Variants in NPAS4 observed in about 807,000 individuals in gnomAD.
The protein encoded by NPAS4 is neuronal PAS domain protein 4, also known as neuronal PAS domain-containing protein 4.
A neutral mutation model predicts 64.0 loss-of-function variants in NPAS4; 10 were observed. The observed-to-expected ratio is 0.16, with a 90% CI of 0.10 to 0.26. The LOEUF is 0.26. NPAS4 is among the 10% of genes least tolerant of loss of function. The pLI is 1.00. For synonymous variants in NPAS4, 441 were observed against 411.7 expected (o/e 1.07, Z -0.86); for missense variants, 886 against 992.6 (o/e 0.89, Z 1.44).
rs1293911968 is a variant in NPAS4, at chr11:66,423,890, G to T, written c.1000G>T (p.Ala334Ser). ...QQLNSEDTQA[A>S]YVLGTPTMLP... ...GTTGAACTCTGAAGACACCCAGGCA[G>T]CTTATGTCCTGGGCACTCCGACCAT... Residue 334 changes from alanine (A) to serine (S), a missense_variant, in exon 7 of 8, where the codon GCT (alanine) becomes TCT (serine). Physicochemically the swap from Ala to Ser is moderately conservative, Grantham distance 99. Transcript: ENST00000311034. 1 of 1,613,790 alleles carries T rather than the reference G, an allele frequency of 6.2e-7. No individual in the cohort carries two copies. Among genetic ancestry groups the T allele is most frequent in the Non-Finnish European group, 8.5e-7 (1 of 1,179,894 alleles).
the NPAS4 span, chr11:66,409,388 T>TG: frequency 6.6e-6 from 1 of 151,708 alleles, no homozygotes; most frequent in Non-Finnish European, 1.5e-5. Context: ...GTCCAAACCT[T>TG]GGAAAGAAAC....
At chr11:66,409,646 A>G in the NPAS4 span, among the ~76,000 whole-genome samples, 5 of 152,192 alleles carry the variant, frequency 3.3e-5, no homozygotes, top group Non-Finnish European at 5.9e-5. Flanking sequence ...ACTGAGGCCC[A>G]GAGAAAAGTA....
In NPAS4 at chr11:66,422,951, G is replaced by A; in HGVS notation, c.698+10G>A. 6.2e-7 allele frequency: 1 copy of A among 1,601,514 alleles called. No homozygotes were observed. Among genetic ancestry groups the A allele is most frequent in the Non-Finnish European group, 8.5e-7 (1 of 1,178,790 alleles). ...TGGACATCTCCGAGAGGTAAGCCTG[G>A]AGTGTTCAGATTCCAAGAGAAAGGC... On this transcript the variant is annotated intron_variant, in intron 4 of 7. Coordinates refer to ENST00000311034, the MANE Select transcript of NPAS4 (RefSeq NM_178864.4).
chr11:66,425,286 G>A lies in NPAS4; in HGVS notation c.2380+16G>A, dbSNP rs772639217. On this transcript the variant is annotated intron_variant, in intron 7 of 7. Transcript: ENST00000311034. ...TTCCATGAAGGTGAGTCAGCCAAAAGGTCCAAGAACTCAAGTCCCTGTCCT... is the reference window on the plus strand; with the variant it reads ...TTCCATGAAGGTGAGTCAGCCAAAAAGTCCAAGAACTCAAGTCCCTGTCCT... The A allele has an allele frequency of 2.7e-6, 4 of 1,458,142 alleles. No individual in the cohort carries two copies. Among genetic ancestry groups the A allele is most frequent in the Non-Finnish European group, 2.7e-6 (3 of 1,090,926 alleles). The allele number at this position is 1,458,142 out of a possible 1,614,324, so 90.3% of individuals were successfully genotyped here. A position where few individuals can be genotyped will look rare whatever the true frequency, so the allele number is the denominator to read the frequency against.
upstream of NPAS4, among the ~76,000 whole-genome samples, chr11:66,417,446 A>G (rs1428323318): frequency 6.6e-6 from 1 of 152,154 alleles, no homozygotes; most frequent in African/African-American, 2.4e-5. Context: ...AGGATGATTC[A>G]AGAGAAAAGG....
At chr11:66,422,019 A>G in intron 1 of NPAS4, 101 bp from the exon 2 acceptor site, 1 of 1,104,658 alleles carries the variant, frequency 9.1e-7, no homozygotes, top group South Asian at 1.4e-5. Flanking sequence ...CAGGTCCATG[A>G]GAAATTCCTC....
the NPAS4 span, among the ~76,000 whole-genome samples, chr11:66,413,776 C>G: frequency 1.8e-3 from 275 of 152,296 alleles, 5 homozygotes; most frequent in East Asian, 0.043. Context: ...GGTGCCAACT[C>G]CTCAGGCAGG....
upstream of NPAS4, among the ~76,000 whole-genome samples, chr11:66,419,750 A>G (rs1401326879): frequency 6.6e-6 from 1 of 152,186 alleles, no homozygotes; most frequent in Non-Finnish European, 1.5e-5. Flanking sequence ...ATAGAAAAGG[A>G]TATGAAAGGA....
intron 7 of NPAS4, among the ~76,000 whole-genome samples, chr11:66,425,653 C>T (rs977721379): frequency 2.0e-5 from 3 of 152,110 alleles, no homozygotes; most frequent in Non-Finnish European, 4.4e-5. Flanking sequence ...GAGCTCTATC[C>T]TAGTATCCTA....
In NPAS4 at chr11:66,424,989, C is replaced by T. The variant is rs778907229; in HGVS notation, c.2099C>T (p.Pro700Leu). 3.1e-6 allele frequency: 5 copies of T among 1,614,088 alleles called. No individual in the cohort carries two copies. The Admixed American group carries it at 8.3e-5, about 27-fold the overall frequency. Reference sequence around the variant, plus strand: ...CAGGAGCTGGACTTCCTGGCTGACCCTGATAACATGTTCCTGGAAGAGACG... The same window carrying T: ...CAGGAGCTGGACTTCCTGGCTGACCTTGATAACATGTTCCTGGAAGAGACG... ...KCQELDFLAD[P>L]DNMFLEETPV... The change falls in exon 7 of 8, where the codon CCT (proline) becomes CTT (leucine). Residue 700 changes from proline to leucine, a missense_variant. Physicochemically the swap from Pro to Leu is moderately conservative, Grantham distance 98. Coordinates refer to ENST00000311034, the MANE Select transcript of NPAS4 (RefSeq NM_178864.4).
In NPAS4 at chr11:66,422,877, C is replaced by G. The variant is rs749227641; in HGVS notation, c.634C>G (p.Leu212Val). The change falls in exon 4 of 8, where the codon CTC becomes GTC. Residue 212 changes from leucine to valine, a missense_variant. By Grantham distance (32) the Leu-to-Val change is conservative. Transcript: ENST00000311034. ...TGGCCCTGGCCCTGGCCCTGCCTCG[C>G]TCTTCCTGGCCATGTTCCAGAGCCG... ...GPGPGPGPAS[L>V]FLAMFQSRHA... 2.5e-6 allele frequency: 4 copies of G among 1,611,558 alleles called. No individual in the cohort carries two copies. Among genetic ancestry groups the G allele is most frequent in the Non-Finnish European group, 3.4e-6 (4 of 1,179,958 alleles).
At chr11:66,418,285 C>T (rs1450184270), upstream of NPAS4, among the ~76,000 whole-genome samples, 3 of 152,152 alleles carry the variant, frequency 2.0e-5, no homozygotes, top group East Asian at 5.8e-4. Flanking sequence ...TGGGGTGACT[C>T]AGCCAGGCCA....
upstream of NPAS4, among the ~76,000 whole-genome samples, chr11:66,419,414 G>A (rs537663932): frequency 1.4e-4 from 22 of 152,070 alleles, no homozygotes; most frequent in Non-Finnish European, 2.8e-4. Context: ...GGAGCGGAGA[G>A]TTCCCTGGCC....
chr11:66,422,951 G>T lies in NPAS4; in HGVS notation c.698+10G>T. 6.2e-7 allele frequency: 1 copy of T among 1,601,514 alleles called. No homozygotes were observed. ...TGGACATCTCCGAGAGGTAAGCCTGGAGTGTTCAGATTCCAAGAGAAAGGC... is the reference window on the plus strand; with the variant it reads ...TGGACATCTCCGAGAGGTAAGCCTGTAGTGTTCAGATTCCAAGAGAAAGGC... On this transcript the variant is annotated intron_variant, in intron 4 of 7. Transcript: ENST00000311034.
the NPAS4 span, among the ~76,000 whole-genome samples, chr11:66,414,456 C>G: frequency 2.0e-5 from 3 of 152,112 alleles, no homozygotes; most frequent in Non-Finnish European, 4.4e-5. Flanking sequence ...GGGCTCTACT[C>G]TCCCTCTCCC....
At chr11:66,421,857 G>A (rs1201075154) in intron 1 of NPAS4, among the ~76,000 whole-genome samples, 1 of 152,214 alleles carries the variant, frequency 6.6e-6, no homozygotes, top group Non-Finnish European at 1.5e-5. Context: ...GAAATTCAGA[G>A]CCGCTTTGGA....
In NPAS4 at chr11:66,424,946, C is replaced by T. The variant is rs1346304772; in HGVS notation, c.2056C>T (p.Leu686=). 4 of 1,614,154 alleles carry T rather than the reference C, an allele frequency of 2.5e-6. No individual in the cohort carries two copies. The highest frequency in any genetic ancestry group is 1.7e-5 in the Admixed American group (1 of 60,032). The part of the protein sequence containing the change: ...GAGPPVLSLD[L]KPWKCQELDF... Reference sequence around the variant, plus strand: ...AGGCCCCCCTGTGCTCAGCCTGGACCTGAAACCCTGGAAATGCCAGGAGCT... The same window carrying T: ...AGGCCCCCCTGTGCTCAGCCTGGACTTGAAACCCTGGAAATGCCAGGAGCT... Residue 686 remains leucine, a synonymous_variant, in exon 7 of 8, where the codon CTG becomes TTG. Transcript: ENST00000311034.
chr11:66,418,779 A>T (rs561829866), upstream of NPAS4, among the ~76,000 whole-genome samples: 1 of 152,282 alleles, frequency 6.6e-6, no homozygotes, highest in East Asian at 1.9e-4. Context: ...GGGGACAGTC[A>T]AAGAGTAGGC....
chr11:66,413,299 C>T, the NPAS4 span, among the ~76,000 whole-genome samples: 1 of 152,266 alleles, frequency 6.6e-6, no homozygotes, highest in Non-Finnish European at 1.5e-5. Context: ...GAGAGAACAG[C>T]ATGTGCAAAA....
Sources: allele counts gnomAD v4.1 joint callset (sites outside exome capture counted in the v4.1 genomes callset), GRCh38; gene constraint gnomAD v4.1.1; transcripts MANE v1.5; gene names NCBI Gene and HGNC (gene_info 2026-07-23, HGNC 2026-07-21).